ZFHX3: variants seen among roughly 807,000 people sequenced by gnomAD.
The protein encoded by ZFHX3 is zinc finger homeobox 3.
ZFHX3 carries 42 observed loss-of-function variants against 279.1 expected under a neutral mutation model. That is an observed-to-expected ratio of 0.15 (90% confidence interval 0.12 to 0.19). The LOEUF (loss-of-function observed/expected upper bound fraction) is 0.19. Among genes scored for constraint, ZFHX3 ranks in the 10% least tolerant of loss-of-function variants. The pLI is 1.00. For synonymous variants in ZFHX3, 2,293 were observed against 1,957.8 expected (o/e 1.17, Z -4.52); for missense variants, 4,981 against 4,754.0 (o/e 1.05, Z -1.40).
At chr16:73,621,415 T>C (rs2052361274) in intron 2 of ZFHX3, among the ~76,000 whole-genome samples, 1 of 152,204 alleles carries the variant, frequency 6.6e-6, no homozygotes, top group Admixed American at 6.5e-5. Flanking sequence ...TCTCATTCCC[T>C]GGCAAAATAG....
chr16:72,923,264 C>T (rs897255676), intron 3 of ZFHX3, among the ~76,000 whole-genome samples: 5 of 152,054 alleles, frequency 3.3e-5, no homozygotes, highest in African/African-American at 4.8e-5. Context: ...GGCAACATGG[C>T]GAAAGCCCAT....
intron 1 of ZFHX3, among the ~76,000 whole-genome samples, chr16:72,971,878 ATTTTTT>A (rs34508228): frequency 9.4e-5 from 9 of 95,466 alleles, no homozygotes; most frequent in Non-Finnish European, 1.8e-4. Flanking sequence ...CTGCCTATTA[ATTTTTT>A]TTTTTTTTTT....
intron 7 of ZFHX3, among the ~76,000 whole-genome samples, chr16:73,111,594 G>A: frequency 7.0e-6 from 1 of 142,930 alleles, no homozygotes; most frequent in South Asian, 2.6e-4. Flanking sequence ...GGGAGGGAGG[G>A]AGGGAAGAAA....
chr16:73,684,193 C>T (rs1014443705), intron 1 of ZFHX3, among the ~76,000 whole-genome samples: 5 of 152,068 alleles, frequency 3.3e-5, no homozygotes, highest in South Asian at 2.1e-4. Flanking sequence ...ACTCGAGAGG[C>T]TAAGATAAGA....
intron 1 of ZFHX3, among the ~76,000 whole-genome samples, chr16:73,793,422 T>G (rs1959893482): frequency 6.6e-6 from 1 of 152,234 alleles, no homozygotes; most frequent in Non-Finnish European, 1.5e-5. Context: ...TTGGCAAACA[T>G]CATCATTTCC....
chr16:73,750,891 TG>T (rs1473566964), intron 1 of ZFHX3, among the ~76,000 whole-genome samples: 1 of 152,046 alleles, frequency 6.6e-6, no homozygotes, highest in Non-Finnish European at 1.5e-5. Flanking sequence ...GGCGATAAAA[TG>T]AACATAATTT....
At chr16:73,496,997 C>A (rs2019152843) in intron 2 of ZFHX3, among the ~76,000 whole-genome samples, 1 of 152,212 alleles carries the variant, frequency 6.6e-6, no homozygotes, top group South Asian at 2.1e-4. Context: ...TTTGTTCCTT[C>A]AGGCTGAGGG....
rs534946477 is a variant in ZFHX3 at position 73,713,868 on chromosome 16, T to G, written c.-1607-33628A>C. ...GATAATGATATATCATTGTTAAATT[T>G]GGTAGAACAAACTGCTTTCCCAATC... is the stretch of plus-strand genomic sequence containing the variant. On this transcript the variant is annotated intron_variant, in intron 1 of 17. Transcript: ENST00000641206. 4.6e-5 allele frequency among the ~76,000 whole-genome samples: 7 copies of G among 152,268 alleles called. No homozygotes were observed. The East Asian group carries it at 1.2e-3, about 25-fold the overall frequency.
intron 7 of ZFHX3, among the ~76,000 whole-genome samples, chr16:73,109,960 G>A (rs1966351911): frequency 6.6e-6 from 1 of 152,132 alleles, no homozygotes; most frequent in South Asian, 2.1e-4. Context: ...TTTCATTTGG[G>A]CGGGGCGCAG....
At chr16:73,711,833 C>T (rs996925965) in intron 1 of ZFHX3, among the ~76,000 whole-genome samples, 12 of 152,194 alleles carry the variant, frequency 7.9e-5, no homozygotes, top group East Asian at 1.9e-4. Context: ...CCACAGGAGG[C>T]TCAGGAGAGA....
rs141812409 is a variant in ZFHX3 at position 73,597,635 on chromosome 16, T to C, written c.-1547+82545A>G. ...GGGAAGATGGAGGCTGAGACTGGCA[T>C]GATGCATCCACAAGCCAAGGATGGC... On this transcript the variant is annotated intron_variant, in intron 2 of 17. Transcript: ENST00000641206. Among the ~76,000 whole-genome samples, 496 of 152,166 alleles carry C rather than the reference T, an allele frequency of 3.3e-3. 3 individuals are homozygous for C. Among genetic ancestry groups the C allele is most frequent in the Admixed American group, 5.8e-3 (89 of 15,282 alleles).
intron 7 of ZFHX3, among the ~76,000 whole-genome samples, chr16:73,118,940 C>T (rs148712271): frequency 1.3e-5 from 2 of 152,210 alleles, no homozygotes; most frequent in African/African-American, 4.8e-5. Flanking sequence ...GTAGCTTATT[C>T]CAGCTGAGAG....
At position 73,307,530 on chromosome 16, in the gene ZFHX3, G is replaced by T. The variant is rs115714210; in HGVS notation, c.-1194+10710C>A. 5.4e-3 allele frequency among the ~76,000 whole-genome samples: 819 copies of T among 152,314 alleles called. 8 individuals carry two copies. Among genetic ancestry groups the T allele is most frequent in the African/African-American group, 0.018 (742 of 41,570 alleles). Reference sequence around the variant, plus strand: ...TAGGATAGTCCTTCAAAACAGTCACGCCAGTAGCCAAGTCAAGGTTAACTT... The same window carrying T: ...TAGGATAGTCCTTCAAAACAGTCACTCCAGTAGCCAAGTCAAGGTTAACTT... On this transcript the variant is annotated intron_variant, in intron 4 of 17. Coordinates refer to the ZFHX3 transcript ENST00000641206.
intron 4 of ZFHX3, among the ~76,000 whole-genome samples, chr16:72,845,560 C>T (rs2037457251): frequency 6.6e-6 from 1 of 152,174 alleles, no homozygotes; most frequent in African/African-American, 2.4e-5. Context: ...CTCCCACGCT[C>T]TGTGTCACGG....
At chr16:73,842,797 G>T (rs1487462173) in intron 1 of ZFHX3, among the ~76,000 whole-genome samples, 1 of 152,152 alleles carries the variant, frequency 6.6e-6, no homozygotes, top group African/African-American at 2.4e-5. Flanking sequence ...ACCCGACTTT[G>T]TTTCTCTAAA....
intron 2 of ZFHX3, among the ~76,000 whole-genome samples, chr16:73,564,989 A>T (rs886120310): frequency 1.3e-5 from 2 of 151,954 alleles, no homozygotes; most frequent in African/African-American, 4.9e-5. Context: ...ACGGTGGCTC[A>T]TGCCTGTAAT....
At chr16:72,960,224 G>A (rs1961508641) in intron 1 of ZFHX3, 30 bp from the exon 2 acceptor site, 1 of 1,468,456 alleles carries the variant, frequency 6.8e-7, no homozygotes, top group Non-Finnish European at 9.1e-7. Context: ...GGGGAGGAGG[G>A]AGAGAGGGGA....
intron 5 of ZFHX3, among the ~76,000 whole-genome samples, chr16:73,214,693 G>T (rs544066194): frequency 1.3e-5 from 2 of 152,192 alleles, no homozygotes; most frequent in African/African-American, 4.8e-5. Context: ...AGTACTACAT[G>T]GGGGGAAGCT....
Position 72,797,432 on chromosome 16 carries a change from AGCCTGG to A in ZFHX3, c.5244_5249del (p.Ala1750_Gln1751del), listed in dbSNP as rs752627273. ...CCTGCTGCAGGTGAGCTTGAACTTG[AGCCTGG>A]GCCTGGGCCAGCGTTTGTGCTTGTT... On this transcript the variant is annotated inframe_deletion, in exon 9 of 10. Transcript: ENST00000268489. The A allele has an allele frequency of 1.2e-5, 20 of 1,612,844 alleles. No individual in the cohort carries two copies. Among genetic ancestry groups the A allele is most frequent in the Admixed American group, 1.2e-4 (7 of 59,938 alleles).
Sources: allele counts gnomAD v4.1 joint callset (sites outside exome capture counted in the v4.1 genomes callset), GRCh38; gene constraint gnomAD v4.1.1; transcripts MANE v1.5; gene names NCBI Gene and HGNC (gene_info 2026-07-23, HGNC 2026-07-21).